TNKS: variants seen among roughly 807,000 people sequenced by gnomAD.
TNKS encodes the protein poly [ADP-ribose] polymerase tankyrase-1.
TNKS carries 72 observed loss-of-function variants against 135.8 expected under a neutral mutation model. The ratio of observed to expected loss-of-function variants is 0.53; its 90% CI spans 0.44 to 0.64. TNKS has a LOEUF of 0.64. Ranked by LOEUF, TNKS falls within the 30% of genes least tolerant of loss-of-function variation. The pLI, the probability that TNKS is intolerant of heterozygous loss-of-function variation, is 0.00. For synonymous variants in TNKS, 849 were observed against 649.3 expected, an observed-to-expected ratio of 1.31 and a Z score of -4.68; for missense variants, 1,769 against 1,674.0, an observed-to-expected ratio of 1.06 and a Z score of -0.99.
rs1396739042 is a variant in TNKS at position 9,575,408 on chromosome 8, A to G, written c.674-4751A>G. 1.2e-5 allele frequency: 12 copies of G among 985,164 alleles called. No individual in the cohort carries two copies. In the African/African-American group the frequency reaches 1.2e-4, roughly 10 times the overall value. 61.0% of individuals were successfully genotyped at this position (985,164 alleles called of 1,614,324 possible). A position where few individuals can be genotyped will look rare whatever the true frequency, so the allele number is the denominator to read the frequency against. On this transcript the variant is annotated intron_variant, in intron 1 of 26. Transcript: ENST00000310430. ...TTTTTAAGAGGAACAAGGTGGGTCA[A>G]CTCTACCCTACTAGATATCTAGACT...
In TNKS at chr8:9,751,793, G is replaced by A. The variant is rs1379240513; in HGVS notation, c.3017G>A (p.Gly1006Glu). The A allele has an allele frequency of 1.9e-6, 3 of 1,614,060 alleles. No individual in the cohort carries two copies. Among genetic ancestry groups the A allele is most frequent in the Middle Eastern group, 1.6e-4 (1 of 6,084 alleles). The change falls in exon 19 of 27, where the codon GGA becomes GAA. Residue 1006 changes from glycine (G) to glutamate (E), a missense_variant. This residue lies in a region of TNKS where 722 missense variants were observed against 688.9 expected (regional missense o/e 1.05). Coordinates refer to ENST00000310430, the MANE Select transcript of TNKS (RefSeq NM_003747.3). ...TGPLAELAVG[G>E]ASNAGDGAAG... Reference sequence around the variant, plus strand: ...CCTTTAGCAGAGTTGGCCGTAGGAGGAGCCTCCAATGCAGGGGATGGCGCC... The same window carrying A: ...CCTTTAGCAGAGTTGGCCGTAGGAGAAGCCTCCAATGCAGGGGATGGCGCC...
chr8:9,722,226 T>C (rs1444380806), intron 12 of TNKS, among the ~76,000 whole-genome samples: 3 of 152,144 alleles, frequency 2.0e-5, no homozygotes, highest in African/African-American at 7.2e-5. Flanking sequence ...CCCCAAGAAA[T>C]ACAGCCAAGT....
At chr8:9,652,291 A>G (rs1477697187) in intron 3 of TNKS, among the ~76,000 whole-genome samples, 1 of 152,212 alleles carries the variant, frequency 6.6e-6, no homozygotes, top group African/African-American at 2.4e-5. Context: ...CGATCTCAAT[A>G]AGGTTCTATC....
intron 25 of TNKS, among the ~76,000 whole-genome samples, chr8:9,769,882 C>T (rs1037348665): frequency 6.6e-6 from 1 of 152,058 alleles, no homozygotes; most frequent in Non-Finnish European, 1.5e-5. Flanking sequence ...ATTCCTAAGC[C>T]ATACCAAAAC....
chr8:9,662,236 C>T (rs1165842120), intron 3 of TNKS, among the ~76,000 whole-genome samples: 3 of 152,272 alleles, frequency 2.0e-5, no homozygotes, highest in Non-Finnish European at 4.4e-5. Flanking sequence ...GCAGCCATCC[C>T]ATTACTGGGT....
At chr8:9,614,779 C>G (rs1300098269) in intron 2 of TNKS, among the ~76,000 whole-genome samples, 1 of 152,162 alleles carries the variant, frequency 6.6e-6, no homozygotes. Context: ...TCCACCCTCC[C>G]TACGTATACA....
intron 5 of TNKS, among the ~76,000 whole-genome samples, chr8:9,703,579 T>C (rs1803920022): frequency 6.6e-6 from 1 of 152,184 alleles, no homozygotes; most frequent in African/African-American, 2.4e-5. Flanking sequence ...TGTGCATTGC[T>C]CAAAATATTT....
intron 1 of TNKS, among the ~76,000 whole-genome samples, chr8:9,575,615 A>T (rs1797917345): frequency 6.6e-6 from 1 of 152,236 alleles, no homozygotes; most frequent in Non-Finnish European, 1.5e-5. Flanking sequence ...GGTTTCCTTA[A>T]ATTTTATATA....
chr8:9,691,036 T>C (rs1803242755), intron 5 of TNKS, among the ~76,000 whole-genome samples: 1 of 152,174 alleles, frequency 6.6e-6, no homozygotes, highest in Admixed American at 6.5e-5. Context: ...TCAGACCATA[T>C]TTGGATTTAG....
At chr8:9,649,202 G>T (rs1801038036) in intron 3 of TNKS, among the ~76,000 whole-genome samples, 2 of 152,144 alleles carry the variant, frequency 1.3e-5, no homozygotes, top group Non-Finnish European at 2.9e-5. Context: ...ATAGTTTTGA[G>T]CACAGAGCTA....
chr8:9,601,010 C>A (rs974023481), intron 2 of TNKS, among the ~76,000 whole-genome samples: 6 of 152,156 alleles, frequency 3.9e-5, no homozygotes, highest in African/African-American at 1.4e-4. Context: ...AAAGTAATTT[C>A]TGTAAGCAAG....
chr8:9,630,342 C>T (rs555752865), intron 3 of TNKS, among the ~76,000 whole-genome samples: 49 of 152,116 alleles, frequency 3.2e-4, no homozygotes, highest in Non-Finnish European at 5.6e-4. Context: ...AAACAGCATA[C>T]CAGCAGTATA....
chr8:9,621,307 CT>C (rs61318743), intron 3 of TNKS, among the ~76,000 whole-genome samples: 46 of 142,560 alleles, frequency 3.2e-4, no homozygotes, highest in Admixed American at 3.5e-4. Context: ...CTTATTTTTG[CT>C]TTTTTTTTTT....
At chr8:9,658,294 G>C in intron 3 of TNKS, 1 of 435,146 alleles carries the variant, frequency 2.3e-6, no homozygotes, top group Non-Finnish European at 3.9e-6. Flanking sequence ...GCAGGCGGCT[G>C]CTCCTTGCCC....
chr8:9,769,951 A>G (rs1455219360), intron 25 of TNKS, among the ~76,000 whole-genome samples, 155 bp from the exon 26 acceptor site: 1 of 152,220 alleles, frequency 6.6e-6, no homozygotes, highest in Non-Finnish European at 1.5e-5. Flanking sequence ...AAATCATTAT[A>G]TCAAATTCCA....
intron 2 of TNKS, among the ~76,000 whole-genome samples, chr8:9,603,202 G>C (rs946037194): frequency 7.9e-5 from 12 of 151,936 alleles, no homozygotes; most frequent in African/African-American, 2.9e-4. Flanking sequence ...ACAGGTGCAC[G>C]CCACCACACC....
At chr8:9,707,062 A>G (rs979643910) in intron 8 of TNKS, 65 bp downstream of exon 8, 10 of 1,351,132 alleles carry the variant, frequency 7.4e-6, no homozygotes, top group Non-Finnish European at 9.9e-6. Context: ...GTTGAGTTTT[A>G]TCTACCTTAA....
chr8:9,595,373 G>T (rs1483530922), intron 2 of TNKS, among the ~76,000 whole-genome samples: 1 of 152,068 alleles, frequency 6.6e-6, no homozygotes, highest in Non-Finnish European at 1.5e-5. Flanking sequence ...GAGAGGCCCA[G>T]AATGAGAGTC....
intron 11 of TNKS, among the ~76,000 whole-genome samples, chr8:9,712,695 G>A (rs932405979): frequency 6.6e-6 from 1 of 151,740 alleles, no homozygotes; most frequent in Admixed American, 6.6e-5. Context: ...TTTGAGATCA[G>A]CTGGGCAACA....
Sources: gnomAD v4.1 joint callset for allele counts (sites outside exome capture counted in the v4.1 genomes callset) on GRCh38, gnomAD v4.1.1 for gene constraint, gnomAD v4.1.1 regional missense constraint, MANE v1.5 for transcripts, NCBI Gene and HGNC (gene_info 2026-07-23, HGNC 2026-07-21) for gene names.